Variants in TARS1 observed in about 807,000 individuals in gnomAD.
TARS1 encodes the protein threonine--tRNA ligase 1, cytoplasmic.
Under a neutral mutation model 97.7 loss-of-function variants are expected in TARS1, and 57 were observed. The ratio of observed to expected loss-of-function variants is 0.58; its 90% CI spans 0.47 to 0.73. TARS1 has a LOEUF of 0.73. Among genes scored for constraint, TARS1 ranks in the 30% least tolerant of loss-of-function variants. The pLI, the probability that TARS1 is intolerant of heterozygous loss-of-function variation, is 0.00. For missense variants in TARS1, 806 were observed against 888.3 expected (o/e 0.91, Z 1.18); for synonymous variants, 312 against 293.7 (o/e 1.06, Z -0.64).
intron 3 of TARS1, among the ~76,000 whole-genome samples, chr5:33,452,091 G>C (rs1328475323): frequency 6.6e-6 from 1 of 152,194 alleles, no homozygotes; most frequent in Non-Finnish European, 1.5e-5. Context: ...TTGATCCTCA[G>C]ATAGGAGTTG....
intron 9 of TARS1, 137 bp from the exon 10 acceptor site, chr5:33,458,429 T>C (rs944600880): frequency 1.7e-5 from 10 of 602,922 alleles, no homozygotes; most frequent in Admixed American, 7.1e-5. Flanking sequence ...CATGGTTTCT[T>C]TGATTCAGGA....
intron 2 of TARS1, among the ~76,000 whole-genome samples, chr5:33,445,887 G>A (rs371385326): frequency 1.6e-4 from 24 of 152,258 alleles, no homozygotes; most frequent in African/African-American, 5.1e-4. Flanking sequence ...TCCCCTTAAG[G>A]CCTCTCAAGT....
At chr5:33,457,532 CTA>C in intron 9 of TARS1, 129 bp downstream of exon 9, 1 of 971,346 alleles carries the variant, frequency 1.0e-6, no homozygotes, top group Non-Finnish European at 1.5e-6. Context: ...GTAACTGGTG[CTA>C]TGTCCTGTAC....
intron 17 of TARS1, among the ~76,000 whole-genome samples, chr5:33,464,397 A>G (rs1407931519): frequency 6.6e-6 from 1 of 152,218 alleles, no homozygotes; most frequent in Non-Finnish European, 1.5e-5. Flanking sequence ...TCAGGTTAAT[A>G]GTATAGCAGA....
At chr5:33,455,351 G>C (rs1002517778) in intron 5 of TARS1, among the ~76,000 whole-genome samples, 1 of 152,072 alleles carries the variant, frequency 6.6e-6, no homozygotes, top group African/African-American at 2.4e-5. Flanking sequence ...TGCGGGAAGG[G>C]GTCACTAGTG....
At chr5:33,465,986 G>C (rs1742511327) in intron 17 of TARS1, 1 of 152,156 alleles carries the variant, frequency 6.6e-6, no homozygotes, top group Non-Finnish European at 1.5e-5. Flanking sequence ...TTTCTGACCA[G>C]GATTTCCAGA....
intron 3 of TARS1, among the ~76,000 whole-genome samples, chr5:33,451,971 A>C (rs780824470): frequency 1.3e-5 from 2 of 152,210 alleles, no homozygotes; most frequent in Non-Finnish European, 2.9e-5. Flanking sequence ...TATTGACTCC[A>C]TCTGATCTCA....
Position 33,460,987 on chromosome 5 carries a change from T to C in TARS1, c.1336T>C (p.Ser446Pro). Residue 446 changes from serine to proline, a missense_variant, in exon 12 of 19, where the codon TCT becomes CCT. By Grantham distance (74) the Ser-to-Pro change is moderately conservative. Transcript: ENST00000265112. The stretch of plus-strand genomic sequence containing the variant: ...TGGGGTACTTCATAGGAACGAGCTG[T>C]CTGGAGCACTCACAGGACTCACCCG... ...DFGVLHRNELSGALTGLTRVR... is the reference protein window; with the variant it reads ...DFGVLHRNELPGALTGLTRVR... 1.9e-6 allele frequency: 3 copies of C among 1,614,156 alleles called. No homozygotes were observed. Among genetic ancestry groups the C allele is most frequent in the Non-Finnish European group, 2.5e-6 (3 of 1,180,034 alleles).
At position 33,466,867 on chromosome 5, in the gene TARS1, A is replaced by G. The variant is rs1417943273; in HGVS notation, c.1909-4A>G. 14 of 1,587,086 alleles carry G rather than the reference A, an allele frequency of 8.8e-6. No homozygotes were observed. Among genetic ancestry groups the G allele is most frequent in the Non-Finnish European group, 8.6e-6 (10 of 1,165,298 alleles). The stretch of plus-strand genomic sequence containing the variant: ...TGACAAATTCTGTATCTCTGTTACA[A>G]TAGGTACGACAACAATTCCACGATG... On this transcript the variant is annotated splice_region_variant and splice_polypyrimidine_tract_variant and intron_variant, in intron 17 of 18. Coordinates refer to ENST00000265112, the MANE Select transcript of TARS1 (RefSeq NM_152295.5).
rs769535592 is a variant in TARS1 at position 33,455,707 on chromosome 5, A to G, written c.693+3A>G. ...AAACTTTACTGGCAATGTTTAAGGT[A>G]AATTGAACCATAGTGCGTGGCCCCC... is the stretch of plus-strand genomic sequence containing the variant. On this transcript the variant is annotated splice_donor_region_variant and intron_variant, in intron 6 of 18. Coordinates refer to ENST00000265112, the MANE Select transcript of TARS1 (RefSeq NM_152295.5). 1 of 1,579,078 alleles carries G rather than the reference A, an allele frequency of 6.3e-7. No individual in the cohort carries two copies. The highest frequency in any genetic ancestry group is 8.7e-7 in the Non-Finnish European group (1 of 1,149,488).
chr5:33,464,956 CT>C (rs2111601011), intron 17 of TARS1, among the ~76,000 whole-genome samples: 1 of 152,236 alleles, frequency 6.6e-6, no homozygotes, highest in Admixed American at 6.5e-5. Flanking sequence ...GTCCCAGCTA[CT>C]CAGGAGGCTG....
intron 9 of TARS1, among the ~76,000 whole-genome samples, chr5:33,457,711 C>T (rs73074392): frequency 1.4e-4 from 21 of 152,028 alleles, no homozygotes; most frequent in Non-Finnish European, 2.6e-4. Context: ...CTATGGAAAC[C>T]CTCTAGTTTC....
chr5:33,463,912 G>A (rs532622733), intron 17 of TARS1, 87 bp downstream of exon 17: 24 of 1,139,108 alleles, frequency 2.1e-5, no homozygotes, highest in Admixed American at 1.4e-4. Context: ...TTGGTGAATC[G>A]AGCTGTTGTG....
In TARS1 at chr5:33,461,254, A is replaced by G. The variant is rs751081838; in HGVS notation, c.1510A>G (p.Lys504Glu). The G allele has an allele frequency of 6.2e-7, 1 of 1,614,008 alleles. No homozygotes were observed. Among genetic ancestry groups the G allele is most frequent in the Admixed American group, 1.7e-5 (1 of 60,014 alleles). The change falls in exon 13 of 19, where the codon AAA (lysine) becomes GAA (glutamate). Residue 504 changes from lysine (K) to glutamate (E), a missense_variant. Around this residue, in one of 3 missense-constraint regions of TARS1, gnomAD observed 446 missense variants for 511.0 expected, o/e 0.87. Coordinates refer to ENST00000265112, the MANE Select transcript of TARS1 (RefSeq NM_152295.5). ...ACTAAACCTTTCTACTCGCCCGGAAAAATTCCTTGGAGATATCGAAGTATG... is the reference window on the plus strand; with the variant it reads ...ACTAAACCTTTCTACTCGCCCGGAAGAATTCCTTGGAGATATCGAAGTATG... ...FKLNLSTRPE[K>E]FLGDIEVWDQ...
At chr5:33,443,306 CCTCTCTCTCTCTCCCTCTCT>C (rs1404155169) in intron 1 of TARS1, among the ~76,000 whole-genome samples, 150 of 85,564 alleles carry the variant, frequency 1.8e-3, no homozygotes, top group Middle Eastern at 8.1e-3. Flanking sequence ...GTGGTGATTC[CCTCTCTCTCTCTCCCTCTCT>C]CTCTCTCTCT....
chr5:33,455,011 T>C lies in TARS1; in HGVS notation c.520T>C (p.Cys174Arg), dbSNP rs1213976975. ...GGAAAGAGTCTATGGTGGATGTTTA[T>C]GCTACGGTCCGCCAATAGAAAATGG... The part of the protein sequence containing the change: ...AMERVYGGCL[C>R]YGPPIENGFY... Residue 174 changes from cysteine to arginine, a missense_variant, in exon 5 of 19, where the codon TGC becomes CGC. Transcript: ENST00000265112. The C allele has an allele frequency of 1.9e-6, 3 of 1,613,798 alleles. No homozygotes were observed. The highest frequency in any genetic ancestry group is 2.7e-5 in the African/African-American group (2 of 74,874).
At position 33,460,918 on chromosome 5, in the gene TARS1, C is replaced by A. The variant is rs778635791; in HGVS notation, c.1267C>A (p.Arg423=). ...CPGHCLMFDH[R]PRSWRELPLR... ...TCTCTTCAGCCTTATGTTTGATCAT[C>A]GGCCAAGGTCCTGGCGAGAACTGCC... Residue 423 remains arginine (R), a synonymous_variant, in exon 12 of 19, where the codon CGG becomes AGG. Coordinates refer to ENST00000265112, the MANE Select transcript of TARS1 (RefSeq NM_152295.5). 4 of 1,614,036 alleles carry A rather than the reference C, an allele frequency of 2.5e-6. No homozygotes were observed.
chr5:33,461,025 C>G lies in TARS1; in HGVS notation c.1374C>G (p.Phe458Leu). The change falls in exon 12 of 19, where the codon TTC becomes TTG. Residue 458 changes from phenylalanine to leucine, a missense_variant. By Grantham distance (22) the Phe-to-Leu change is conservative. Around this residue, in one of 3 missense-constraint regions of TARS1, gnomAD observed 446 missense variants for 511.0 expected, o/e 0.87. Transcript: ENST00000265112. Reference protein sequence around the residue: ...ALTGLTRVRRFQQDDAHIFCA... With the variant: ...ALTGLTRVRRLQQDDAHIFCA... ...CAGGACTCACCCGGGTACGAAGATT[C>G]CAACAGGATGATGCTCACATATTCT... The G allele has an allele frequency of 6.2e-7, 1 of 1,614,110 alleles. No homozygotes were observed. Among genetic ancestry groups the G allele is most frequent in the Non-Finnish European group, 8.5e-7 (1 of 1,180,022 alleles).
intron 9 of TARS1, among the ~76,000 whole-genome samples, chr5:33,458,097 T>C (rs1289174255): frequency 6.6e-6 from 1 of 152,186 alleles, no homozygotes; most frequent in African/African-American, 2.4e-5. Flanking sequence ...GTGTGTTTCT[T>C]TCACCATGAC....
Sources: allele counts gnomAD v4.1 joint callset (sites outside exome capture counted in the v4.1 genomes callset), GRCh38; gene constraint gnomAD v4.1.1; regional missense constraint gnomAD v4.1.1; transcripts MANE v1.5; gene names NCBI Gene and HGNC (gene_info 2026-07-23, HGNC 2026-07-21).